The following DMD variants were observed in gnomAD, a reference collection of about 807,000 sequenced individuals.
DMD encodes dystrophin.
In DMD, 63 loss-of-function variants were observed where a neutral mutation model predicts 330.1. The ratio of observed to expected loss-of-function variants is 0.19; its 90% confidence interval spans 0.16 to 0.24. The LOEUF (loss-of-function observed/expected upper bound fraction) is 0.24, where lower values mean the gene tolerates loss of function less well. DMD is among the 10% of genes least tolerant of loss of function. The pLI, the probability that DMD is intolerant of heterozygous loss-of-function variation, is 1.00. For missense variants in DMD, 3,344 were observed against 2,684.1 expected, an observed-to-expected ratio of 1.25 and a Z score of -5.43; for synonymous variants, 1,223 against 959.8, an observed-to-expected ratio of 1.27 and a Z score of -5.07.
intron 11 of DMD, among the ~76,000 whole-genome samples, chrX:32,628,296 A>T (rs73621808): frequency 0.47 from 5,745 of 12,188 alleles, 1,257 homozygotes; most frequent in African/African-American, 0.75. Context: ...TTTTTTTTTT[A>T]AGCTCTCACA....
chrX:32,506,420 TA>T (rs57359370), intron 18 of DMD, among the ~76,000 whole-genome samples: 2,617 of 71,389 alleles, frequency 0.037, 85 homozygotes, highest in African/African-American at 0.1. Flanking sequence ...TACAAAATGC[TA>T]AAAAAAAAAA....
intron 7 of DMD, among the ~76,000 whole-genome samples, chrX:32,789,113 T>C (rs1224086630): frequency 8.9e-6 from 1 of 112,118 alleles, no homozygotes; most frequent in African/African-American, 3.2e-5. Context: ...AAGCAATAAA[T>C]AGAAGAAGGA....
intron 62 of DMD, among the ~76,000 whole-genome samples, chrX:31,266,160 A>C (rs1218657326): frequency 1.7e-5 from 1 of 57,472 alleles, no homozygotes; most frequent in Non-Finnish European, 3.2e-5. Context: ...CCCGAAGGGC[A>C]AAAAAAAAAA....
At chrX:31,689,401 A>C (rs761960770) in intron 52 of DMD, among the ~76,000 whole-genome samples, 4 of 111,775 alleles carry the variant, frequency 3.6e-5, no homozygotes, top group East Asian at 5.7e-4. Context: ...ACCTACAAAT[A>C]CAACTTACAA....
chrX:32,294,092 G>A (rs2097485664), intron 42 of DMD, among the ~76,000 whole-genome samples: 1 of 111,439 alleles, frequency 9.0e-6, no homozygotes, highest in Non-Finnish European at 1.9e-5. Context: ...TGCCTGACCT[G>A]GGCAGCCTGA....
chrX:31,173,651 G>C (rs375647718), intron 71 of DMD, 47 bp from the exon 72 acceptor site: 12 of 1,118,942 alleles, frequency 1.1e-5, no homozygotes, highest in Non-Finnish European at 1.4e-5. Flanking sequence ...TCCATTAATG[G>C]AGAAAAAACC....
chrX:32,383,934 A>C (rs2097941602), intron 33 of DMD, among the ~76,000 whole-genome samples: 1 of 109,701 alleles, frequency 9.1e-6, no homozygotes, highest in African/African-American at 3.3e-5. Flanking sequence ...TAAAAAGCCC[A>C]CACACAAAAA....
chrX:31,256,741 CGTGTGTGT>C (rs35842618), intron 63 of DMD, among the ~76,000 whole-genome samples: 4 of 97,953 alleles, frequency 4.1e-5, no homozygotes, highest in African/African-American at 1.5e-4. Context: ...ATATGTGGGG[CGTGTGTGT>C]GTGTGTGTGT....
chrX:33,035,183 G>A (rs1372665797), intron 1 of DMD, among the ~76,000 whole-genome samples: 1 of 111,204 alleles, frequency 9.0e-6, no homozygotes, highest in Non-Finnish European at 1.9e-5. Context: ...CAATAGACCT[G>A]TTTTTATTAT....
In DMD at chrX:31,961,522, A is replaced by C. The variant is rs2095302866; in HGVS notation, c.6614+6817T>G. Among the ~76,000 whole-genome samples the C allele has an allele frequency of 2.7e-5, 3 of 111,667 alleles. No homozygotes were observed. In the South Asian group the frequency reaches 1.1e-3, roughly 42 times the overall value. ...ATGAAGCTTTTAATCTTGCTGGGGG[A>C]AAAGCATATGTAAATAGGTATGATA... On this transcript the variant is annotated intron_variant, in intron 45 of 78. Transcript: ENST00000357033.
chrX:32,349,330 TAC>T (rs2097774161), intron 37 of DMD, among the ~76,000 whole-genome samples: 1 of 111,581 alleles, frequency 9.0e-6, no homozygotes, highest in African/African-American at 3.2e-5. Flanking sequence ...GTTAATAAAA[TAC>T]ATTGATACTC....
chrX:32,893,702 A>T (rs1366416098), intron 2 of DMD, among the ~76,000 whole-genome samples: 2 of 111,651 alleles, frequency 1.8e-5, no homozygotes, highest in Non-Finnish European at 3.8e-5. Flanking sequence ...CATATCCACA[A>T]AAAAGCAGCA....
chrX:31,465,395 C>T (rs2066787105), intron 59 of DMD, among the ~76,000 whole-genome samples: 3 of 110,398 alleles, frequency 2.7e-5, no homozygotes, highest in South Asian at 4.0e-4. Flanking sequence ...GTGATGTTCC[C>T]GTCCCTGTGT....
intron 7 of DMD, among the ~76,000 whole-genome samples, chrX:32,788,092 C>A (rs753039841): frequency 9.9e-5 from 11 of 111,358 alleles, no homozygotes; most frequent in Admixed American, 3.8e-4. Flanking sequence ...AGATTTTAAC[C>A]CAAAACTAGT....
rs72227601 is a variant in DMD, at chrX:31,447,260, A to ATT, written c.8938-2635_8938-2634dup. Among the ~76,000 whole-genome samples, 34 of 52,476 alleles carry ATT rather than the reference A, an allele frequency of 6.5e-4. 1 individual carries two copies. The highest frequency in any genetic ancestry group is 5.5e-3 in the East Asian group (8 of 1,452). The allele number at this position is 52,476 out of a possible 115,157, so 45.6% of individuals were successfully genotyped here. ...TTAAACTTTACCATAAGATCTTGGG[A>ATT]TTTTTTTTTTTTTTTTTTTTTTTTT... On this transcript the variant is annotated intron_variant, in intron 59 of 78. Coordinates refer to ENST00000357033, the MANE Select transcript of DMD (RefSeq NM_004006.3).
chrX:31,479,230 A>G, intron 57 of DMD, 127 bp from the exon 58 acceptor site: 1 of 769,477 alleles, frequency 1.3e-6, no homozygotes, highest in Non-Finnish European at 1.9e-6. Flanking sequence ...TTATACACTG[A>G]TGGTTATAAA....
rs191927306 is a variant in DMD at position 31,267,744 on chromosome X, A to G, written c.9225-6728T>C. Among the ~76,000 whole-genome samples, 409 of 112,611 alleles carry G rather than the reference A, an allele frequency of 3.6e-3. 1 individual carries two copies. The highest frequency in any genetic ancestry group is 5.6e-3 in the Non-Finnish European group (297 of 53,361). ...TTACAGGGCCTGAACAGTTCAAATA[A>G]TTCTAATTTTAGAGTTTGCAGTATG... On this transcript the variant is annotated intron_variant, in intron 62 of 78. Transcript: ENST00000357033.
chrX:32,656,509 T>C (rs985916531), intron 9 of DMD, among the ~76,000 whole-genome samples: 1 of 112,376 alleles, frequency 8.9e-6, no homozygotes, highest in Non-Finnish European at 1.9e-5. Flanking sequence ...TATACTGATA[T>C]ACTCTAATTT....
chrX:32,084,934 G>A (rs2096419576), intron 44 of DMD, among the ~76,000 whole-genome samples: 1 of 111,225 alleles, frequency 9.0e-6, no homozygotes, highest in African/African-American at 3.3e-5. Context: ...TTCAAGCCAC[G>A]AAACCTGGCC....
Sources: gnomAD v4.1 joint callset for allele counts (sites outside exome capture counted in the v4.1 genomes callset) on GRCh38, gnomAD v4.1.1 for gene constraint, MANE v1.5 for transcripts, NCBI Gene and HGNC (gene_info 2026-07-23, HGNC 2026-07-21) for gene names.